Variants in PSD3 observed in about 807,000 individuals in gnomAD.
The protein encoded by PSD3 is pleckstrin and Sec7 domain containing 3, also known as PH and SEC7 domain-containing protein 3.
A neutral mutation model predicts 105.5 loss-of-function variants in PSD3; 49 were observed. The observed-to-expected ratio is 0.46, with a 90% CI of 0.37 to 0.59. The LOEUF (loss-of-function observed/expected upper bound fraction) is 0.59, where lower values mean the gene tolerates loss of function less well. Among genes scored for constraint, PSD3 ranks in the 20% least tolerant of loss-of-function variants. PSD3 has a pLI of 0.00. For missense variants in PSD3, 1,561 were observed against 1,263.8 expected, an observed-to-expected ratio of 1.24 and a Z score of -3.57; for synonymous variants, 557 against 457.8, an observed-to-expected ratio of 1.22 and a Z score of -2.77.
intron 10 of PSD3, 105 bp from the exon 11 acceptor site, chr8:18,632,911 CTT>C: frequency 3.5e-6 from 3 of 846,068 alleles, no homozygotes; most frequent in Non-Finnish European, 5.3e-6. Flanking sequence ...TGGTGTATCA[CTT>C]TTTATAACCA....
At chr8:18,680,210 G>C (rs1800303199) in intron 9 of PSD3, among the ~76,000 whole-genome samples, 1 of 152,170 alleles carries the variant, frequency 6.6e-6, no homozygotes, top group African/African-American at 2.4e-5. Flanking sequence ...GGAGAACTGA[G>C]GCTTAAATCA....
intron 1 of PSD3, among the ~76,000 whole-genome samples, chr8:19,033,234 A>G (rs1827828790): frequency 6.7e-6 from 1 of 149,748 alleles, no homozygotes. Context: ...AAGATACACA[A>G]CCAACATTTT....
chr8:18,687,555 T>C (rs1284299971), intron 9 of PSD3, among the ~76,000 whole-genome samples: 1 of 151,572 alleles, frequency 6.6e-6, no homozygotes, highest in East Asian at 1.9e-4. Context: ...TACAAAAAAG[T>C]ATGAAGTGAA....
At chr8:18,949,234 AAAAAAAAAAAATATATAT>A (rs1428765048) in intron 1 of PSD3, among the ~76,000 whole-genome samples, 2 of 56,718 alleles carry the variant, frequency 3.5e-5, no homozygotes, top group Non-Finnish European at 7.7e-5. Flanking sequence ...AAAAAAAAAA[AAAAAAAAAAAATATATAT>A]ATATATATAT....
At chr8:18,668,348 G>C (rs1375885265) in intron 9 of PSD3, among the ~76,000 whole-genome samples, 1 of 152,226 alleles carries the variant, frequency 6.6e-6, no homozygotes, top group Non-Finnish European at 1.5e-5. Context: ...AATATTTCAT[G>C]TTTCGCCTGG....
At chr8:18,888,869 C>T (rs1304451232) in intron 2 of PSD3, among the ~76,000 whole-genome samples, 1 of 152,086 alleles carries the variant, frequency 6.6e-6, no homozygotes, top group Admixed American at 6.5e-5. Flanking sequence ...CTTTTGTTCT[C>T]CCTCTTCCTT....
chr8:18,898,617 C>T (rs1819301822), intron 2 of PSD3, among the ~76,000 whole-genome samples: 1 of 151,976 alleles, frequency 6.6e-6, no homozygotes, highest in African/African-American at 2.4e-5. Context: ...AGAAGTCTTA[C>T]TGATAATATA....
chr8:18,924,409 A>C (rs1383164665), intron 2 of PSD3: 1 of 152,204 alleles, frequency 6.6e-6, no homozygotes, highest in Non-Finnish European at 1.5e-5. Context: ...GAGTGGAAAG[A>C]AAGGAGCAAA....
chr8:18,839,041 A>G (rs1056763495), intron 4 of PSD3, among the ~76,000 whole-genome samples: 5 of 151,662 alleles, frequency 3.3e-5, no homozygotes, highest in Admixed American at 6.6e-5. Context: ...CTTTAAAACA[A>G]GCAGAAGGGA....
chr8:18,760,647 T>C (rs1806439247), intron 9 of PSD3, among the ~76,000 whole-genome samples: 1 of 152,232 alleles, frequency 6.6e-6, no homozygotes, highest in African/African-American at 2.4e-5. Flanking sequence ...TGATGAACAT[T>C]TAGGATGATT....
chr8:19,051,197 C>T (rs1481988734), intron 1 of PSD3, among the ~76,000 whole-genome samples: 6 of 152,154 alleles, frequency 3.9e-5, no homozygotes, highest in Non-Finnish European at 8.8e-5. Flanking sequence ...GACCCTCCTC[C>T]CTCTGGTCCC....
chr8:18,670,477 G>A (rs995012424), intron 9 of PSD3, among the ~76,000 whole-genome samples: 1 of 152,174 alleles, frequency 6.6e-6, no homozygotes, highest in African/African-American at 2.4e-5. Flanking sequence ...AGCGAGGCAG[G>A]TGGAATCTGG....
At chr8:18,661,116 T>C (rs1430690754) in intron 9 of PSD3, among the ~76,000 whole-genome samples, 1 of 152,090 alleles carries the variant, frequency 6.6e-6, no homozygotes, top group African/African-American at 2.4e-5. Context: ...CTCCAACATA[T>C]TTTGCACAGT....
intron 12 of PSD3, among the ~76,000 whole-genome samples, chr8:18,594,424 TTA>T (rs1489287051): frequency 8.1e-6 from 1 of 123,600 alleles, no homozygotes; most frequent in African/African-American, 3.3e-5. Flanking sequence ...ATAATATACA[TTA>T]TATATAATAT....
At chr8:18,891,259 T>G (rs1818764559) in intron 2 of PSD3, among the ~76,000 whole-genome samples, 1 of 152,220 alleles carries the variant, frequency 6.6e-6, no homozygotes, top group African/African-American at 2.4e-5. Flanking sequence ...TTAGGATGGA[T>G]GAAATAATCA....
intron 1 of PSD3, among the ~76,000 whole-genome samples, chr8:18,953,600 T>A (rs1019998653): frequency 2.0e-5 from 3 of 151,900 alleles, no homozygotes; most frequent in African/African-American, 7.3e-5. Flanking sequence ...ATTACAAAAA[T>A]TAGCTGGGCG....
chr8:19,054,356 T>G (rs1828636706), intron 1 of PSD3, among the ~76,000 whole-genome samples: 1 of 152,182 alleles, frequency 6.6e-6, no homozygotes, highest in Admixed American at 6.5e-5. Context: ...CCCAAACTAA[T>G]GCAGGGACAA....
In PSD3 at chr8:18,531,584, A is replaced by T. The variant is rs1174120429; in HGVS notation, c.*4159T>A. The T allele has an allele frequency of 6.6e-6, 1 of 152,358 alleles. No individual in the cohort carries two copies. The highest frequency in any genetic ancestry group is 1.5e-5 in the Non-Finnish European group (1 of 68,108). The allele number at this position is 152,358 out of a possible 1,614,324, so 9.4% of individuals were successfully genotyped here. A position where few individuals can be genotyped will look rare whatever the true frequency, so the allele number is the denominator to read the frequency against. The stretch of plus-strand genomic sequence containing the variant: ...TGCTGACATGTGGCAGAGCAGTGGC[A>T]TGGCCTGGGAGACAAGATGGCCAGA... On this transcript the variant is annotated 3_prime_UTR_variant, in exon 16 of 16. Transcript: ENST00000327040.
intron 9 of PSD3, among the ~76,000 whole-genome samples, chr8:18,678,256 G>C (rs1192427579): frequency 1.3e-5 from 2 of 152,172 alleles, no homozygotes; most frequent in South Asian, 2.1e-4. Flanking sequence ...TTGATATTTT[G>C]ACCTAATAGT....
Sources: allele counts gnomAD v4.1 joint callset (sites outside exome capture counted in the v4.1 genomes callset), GRCh38; gene constraint gnomAD v4.1.1; transcripts MANE v1.5; gene names NCBI Gene and HGNC (gene_info 2026-07-23, HGNC 2026-07-21).